CDV3: variants seen among roughly 807,000 people sequenced by gnomAD.
CDV3 encodes protein CDV3 homolog.
A neutral mutation model predicts 24.5 loss-of-function variants in CDV3; 14 were observed. The ratio of observed to expected loss-of-function variants is 0.57; its 90% confidence interval spans 0.38 to 0.89. CDV3 has a LOEUF of 0.89. Ranked by LOEUF, CDV3 falls within the 40% of genes least tolerant of loss-of-function variation. The probability of loss-of-function intolerance (pLI) is 0.00; values close to 1 mark genes in which losing one functional copy is unlikely to be tolerated. For synonymous variants in CDV3, 114 were observed against 114.1 expected (o/e 1.00, Z 0.00); for missense variants, 304 against 310.2 (o/e 0.98, Z 0.15).
Position 133,588,339 on chromosome 3 carries a change from C to G in CDV3, c.*293C>G, listed in dbSNP as rs1933817140. 1 of 1,536,184 alleles carries G rather than the reference C, an allele frequency of 6.5e-7. No individual in the cohort carries two copies. Among genetic ancestry groups the G allele is most frequent in the Non-Finnish European group, 8.7e-7 (1 of 1,146,866 alleles). On this transcript the variant is annotated 3_prime_UTR_variant, in exon 5 of 5. Transcript: ENST00000264993. Reference sequence around the variant, plus strand: ...CTGCAGCCAGTGGTCATTTCAAAATCTTTTTATGTTCAGATACTGAGCCTT... The same window carrying G: ...CTGCAGCCAGTGGTCATTTCAAAATGTTTTTATGTTCAGATACTGAGCCTT...
At chr3:133,585,762 G>C (rs1437215165) in intron 3 of CDV3, among the ~76,000 whole-genome samples, 13 of 152,176 alleles carry the variant, frequency 8.5e-5, no homozygotes, top group African/African-American at 2.9e-4. Flanking sequence ...TTCCCGAAGT[G>C]CTAGGATTAC....
intron 2 of CDV3, among the ~76,000 whole-genome samples, chr3:133,581,932 A>T (rs1340988853): frequency 6.6e-6 from 1 of 152,170 alleles, no homozygotes; most frequent in African/African-American, 2.4e-5. Flanking sequence ...TGGCTTGGCT[A>T]TATTTTTATT....
rs1377448665 is a variant in CDV3, at chr3:133,589,551, G to C, written c.*1505G>C. ...AGTGGTAATGTCATCATTTGATGCA[G>C]AGTCCGGGTTTCTCTATAATAAATC... On this transcript the variant is annotated 3_prime_UTR_variant, in exon 5 of 5. Transcript: ENST00000264993. The C allele has an allele frequency of 1.3e-5, 2 of 152,672 alleles. No homozygotes were observed. The highest frequency in any genetic ancestry group is 2.9e-5 in the Non-Finnish European group (2 of 68,050). The allele number at this position is 152,672 out of a possible 1,614,324, so 9.5% of individuals were successfully genotyped here.
chr3:133,588,168 C>G lies in CDV3; in HGVS notation c.*122C>G. 1.3e-6 allele frequency: 2 copies of G among 1,543,568 alleles called. No individual in the cohort carries two copies. Among genetic ancestry groups the G allele is most frequent in the South Asian group, 2.5e-5 (2 of 78,948 alleles). ...CGATGCAGACCACTCGATTTCATGACCGGCCCTATTGCACTATGGAAGTTA... is the reference window on the plus strand; with the variant it reads ...CGATGCAGACCACTCGATTTCATGAGCGGCCCTATTGCACTATGGAAGTTA... On this transcript the variant is annotated 3_prime_UTR_variant, in exon 5 of 5. Transcript: ENST00000264993.
intron 2 of CDV3, among the ~76,000 whole-genome samples, chr3:133,577,871 T>A (rs1240371814): frequency 6.6e-6 from 1 of 152,228 alleles, no homozygotes; most frequent in South Asian, 2.1e-4. Flanking sequence ...ACAGATCTTA[T>A]TCAAGGTCAT....
chr3:133,574,555 TG>T, intron 1 of CDV3: 1 of 986,120 alleles, frequency 1.0e-6, no homozygotes, highest in Non-Finnish European at 1.2e-6. Context: ...GCACTAGGTC[TG>T]GGGCCGCAGT....
rs763768656 is a variant in CDV3 at position 133,584,017 on chromosome 3, A to C, written c.333A>C (p.Glu111Asp). ...GCTTTTCCAGCAGTGAAAAGGAAGA[A>C]GACGATAATGAAAAGAGACAAGATC... ...QAMQISSEKE[E>D]DDNEKRQDPG... Residue 111 changes from glutamate to aspartate, a missense_variant, in exon 3 of 5, where the codon GAA becomes GAC. This residue lies in a region of CDV3 where 219 missense variants were observed against 203.6 expected (regional missense o/e 1.08). Coordinates refer to ENST00000264993, the MANE Select transcript of CDV3 (RefSeq NM_017548.5). The C allele has an allele frequency of 2.9e-5, 47 of 1,604,060 alleles. No homozygotes were observed. The highest frequency in any genetic ancestry group is 1.7e-4 in the Middle Eastern group (1 of 5,832).
rs191289423 is a variant in CDV3 at position 133,587,818 on chromosome 3, T to A, written c.627-78T>A. ...AGGATTCTTCTAAGGGGTGGCTTTT[T>A]TTTAAATTCAAGGACGAATATTTTC... On this transcript the variant is annotated intron_variant, in intron 4 of 4. Transcript: ENST00000264993. 1.8e-5 allele frequency: 28 copies of A among 1,517,036 alleles called. 1 individual carries two copies. The Admixed American group carries it at 4.0e-4, about 22-fold the overall frequency. 94.0% of individuals were successfully genotyped at this position (1,517,036 alleles called of 1,614,324 possible). A position where few individuals can be genotyped will look rare whatever the true frequency, so the allele number is the denominator to read the frequency against.
intron 2 of CDV3, among the ~76,000 whole-genome samples, chr3:133,583,645 C>T (rs1461605712): frequency 6.6e-6 from 1 of 152,200 alleles, no homozygotes; most frequent in African/African-American, 2.4e-5. Context: ...TCACTGCAGC[C>T]TCTGCCTTCC....
chr3:133,574,032 G>T lies in CDV3; in HGVS notation c.-13G>T. 1 of 1,136,812 alleles carries T rather than the reference G, an allele frequency of 8.8e-7. No individual in the cohort carries two copies. Among genetic ancestry groups the T allele is most frequent in the East Asian group, 6.7e-5 (1 of 14,874 alleles). 70.4% of individuals were successfully genotyped at this position (1,136,812 alleles called of 1,614,324 possible). On this transcript the variant is annotated 5_prime_UTR_variant, in exon 1 of 5. The change creates a new upstream start codon in the 5' untranslated region. Transcript: ENST00000264993. ...CGCCGGCCCCACCCATCCGGGTCGA[G>T]GAGGCCGAGGCCATGGCTGAGACGG...
intron 2 of CDV3, among the ~76,000 whole-genome samples, chr3:133,582,307 A>G (rs1933119805): frequency 6.6e-6 from 1 of 152,022 alleles, no homozygotes; most frequent in Admixed American, 6.6e-5. Context: ...ATGTGTCACC[A>G]CACCTGGCTA....
rs1933808402 is a variant in CDV3, at chr3:133,588,220, T to G, written c.*174T>G. Reference sequence around the variant, plus strand: ...AGTGTCACGACTGCTCTATGCATATTGGATTTAGGGGAATTTTCATTGTTA... The same window carrying G: ...AGTGTCACGACTGCTCTATGCATATGGGATTTAGGGGAATTTTCATTGTTA... On this transcript the variant is annotated 3_prime_UTR_variant, in exon 5 of 5. Coordinates refer to ENST00000264993, the MANE Select transcript of CDV3 (RefSeq NM_017548.5). 3 of 1,537,700 alleles carry G rather than the reference T, an allele frequency of 2.0e-6. No individual in the cohort carries two copies. Among genetic ancestry groups the G allele is most frequent in the South Asian group, 1.2e-5 (1 of 81,548 alleles).
intron 2 of CDV3, among the ~76,000 whole-genome samples, chr3:133,581,708 A>T (rs994137209): frequency 2.0e-5 from 3 of 152,240 alleles, no homozygotes; most frequent in Non-Finnish European, 4.4e-5. Flanking sequence ...TGCATGAAGA[A>T]GATAAAGTCA....
rs1228324664 is a variant in CDV3 at position 133,590,061 on chromosome 3, A to C, written c.*2015A>C. On this transcript the variant is annotated 3_prime_UTR_variant, in exon 5 of 5. Coordinates refer to ENST00000264993, the MANE Select transcript of CDV3 (RefSeq NM_017548.5). ...TTGTACTCGAAATCTGAAGACCTGCAGCAGATTTAAATTACAACTCTTGTT... is the reference window on the plus strand; with the variant it reads ...TTGTACTCGAAATCTGAAGACCTGCCGCAGATTTAAATTACAACTCTTGTT... The C allele has an allele frequency of 4.6e-5, 7 of 152,236 alleles. No individual in the cohort carries two copies. Among genetic ancestry groups the C allele is most frequent in the Non-Finnish European group, 8.8e-5 (6 of 68,038 alleles). The allele number at this position is 152,236 out of a possible 1,614,324, so 9.4% of individuals were successfully genotyped here. A position where few individuals can be genotyped will look rare whatever the true frequency, so the allele number is the denominator to read the frequency against.
At chr3:133,581,598 AGAAAT>A (rs1933031506) in intron 2 of CDV3, among the ~76,000 whole-genome samples, 1 of 152,200 alleles carries the variant, frequency 6.6e-6, no homozygotes. Flanking sequence ...TGAGGTATAA[AGAAAT>A]GAAGTGCCAT....
rs929023140 is a variant in CDV3, at chr3:133,588,626, A to G, written c.*580A>G. On this transcript the variant is annotated 3_prime_UTR_variant, in exon 5 of 5. Transcript: ENST00000264993. ...ACTCTCTGTAGTAGGCTGTTGTTATATTAGACTTCCTGGAACACACTGCTG... is the reference window on the plus strand; with the variant it reads ...ACTCTCTGTAGTAGGCTGTTGTTATGTTAGACTTCCTGGAACACACTGCTG... The G allele has an allele frequency of 3.5e-5, 19 of 550,298 alleles. No individual in the cohort carries two copies. The highest frequency in any genetic ancestry group is 5.5e-5 in the Non-Finnish European group (17 of 307,948). 34.1% of individuals were successfully genotyped at this position (550,298 alleles called of 1,614,324 possible). A position where few individuals can be genotyped will look rare whatever the true frequency, so the allele number is the denominator to read the frequency against.
At chr3:133,583,608 G>A (rs974365078) in intron 2 of CDV3, among the ~76,000 whole-genome samples, 1 of 152,166 alleles carries the variant, frequency 6.6e-6, no homozygotes, top group African/African-American at 2.4e-5. Flanking sequence ...TGTCGCCCAG[G>A]AGGGAGTGCA....
intron 4 of CDV3, 67 bp downstream of exon 4, chr3:133,586,789 G>T: frequency 1.0e-6 from 1 of 972,286 alleles, no homozygotes; most frequent in East Asian, 2.4e-5. Context: ...TGGGATATAG[G>T]GGATGTGCAT....
At chr3:133,585,972 C>T (rs1011972173) in intron 3 of CDV3, among the ~76,000 whole-genome samples, 2 of 152,212 alleles carry the variant, frequency 1.3e-5, no homozygotes, top group East Asian at 1.9e-4. Flanking sequence ...CATCCAAGCC[C>T]AGCAGATTCC....
Sources: gnomAD v4.1 joint callset for allele counts (sites outside exome capture counted in the v4.1 genomes callset) on GRCh38, gnomAD v4.1.1 for gene constraint, gnomAD v4.1.1 regional missense constraint, MANE v1.5 for transcripts, NCBI Gene and HGNC (gene_info 2026-07-23, HGNC 2026-07-21) for gene names.